The following PPP1R1C variants were observed in gnomAD, a reference collection of about 807,000 sequenced individuals.
PPP1R1C encodes protein phosphatase 1 regulatory subunit 1C.
Under a neutral mutation model 17.4 loss-of-function variants are expected in PPP1R1C, and 15 were observed. The observed-to-expected ratio is 0.86, with a 90% CI of 0.58 to 1.33. The LOEUF is 1.33. Ranked by LOEUF, PPP1R1C falls within the 40% of genes most tolerant of loss-of-function variation. The pLI is 0.00. For missense variants in PPP1R1C, 143 were observed against 130.0 expected (o/e 1.10, Z -0.48); for synonymous variants, 35 against 43.1 (o/e 0.81, Z 0.73).
chr2:182,103,310 TTC>T (rs1443995339), intron 4 of PPP1R1C, among the ~76,000 whole-genome samples: 1 of 152,252 alleles, frequency 6.6e-6, no homozygotes, highest in African/African-American at 2.4e-5. Flanking sequence ...TTAATATTTT[TTC>T]TCTTTCATGT....
At chr2:181,958,844 A>C (rs1478856450) in intron 1 of PPP1R1C, among the ~76,000 whole-genome samples, 1 of 152,238 alleles carries the variant, frequency 6.6e-6, no homozygotes, top group Non-Finnish European at 1.5e-5. Context: ...ATTCAATTAT[A>C]TAACTGTTTC....
chr2:181,975,724 G>A (rs899661487), intron 2 of PPP1R1C, among the ~76,000 whole-genome samples: 8 of 151,672 alleles, frequency 5.3e-5, no homozygotes, highest in African/African-American at 1.9e-4. Flanking sequence ...CGTTTCCATT[G>A]TATTACATAT....
chr2:181,965,214 T>G (rs1041975591), intron 1 of PPP1R1C, among the ~76,000 whole-genome samples: 2 of 152,218 alleles, frequency 1.3e-5, no homozygotes, highest in Non-Finnish European at 2.9e-5. Flanking sequence ...GTCATAAGAA[T>G]AGTTTGCAAA....
At chr2:182,124,921 C>G (rs1277305650) in intron 5 of PPP1R1C, among the ~76,000 whole-genome samples, 3 of 152,068 alleles carry the variant, frequency 2.0e-5, no homozygotes, top group African/African-American at 7.2e-5. Context: ...CCAGATCTTC[C>G]AATACTATGT....
At chr2:182,035,212 C>G (rs1686967638) in intron 2 of PPP1R1C, among the ~76,000 whole-genome samples, 1 of 152,154 alleles carries the variant, frequency 6.6e-6, no homozygotes, top group East Asian at 1.9e-4. Context: ...GTGCCGAATT[C>G]ACAGTGAAAG....
At chr2:182,070,395 T>C (rs1688107276) in intron 4 of PPP1R1C, among the ~76,000 whole-genome samples, 1 of 152,246 alleles carries the variant, frequency 6.6e-6, no homozygotes, top group African/African-American at 2.4e-5. Context: ...GTAGATAATA[T>C]CACTTTCCAA....
chr2:182,073,020 C>A (rs1417657231), intron 4 of PPP1R1C, among the ~76,000 whole-genome samples: 2 of 152,218 alleles, frequency 1.3e-5, no homozygotes, highest in East Asian at 3.8e-4. Flanking sequence ...CCGGCCACAG[C>A]CTTCTTTTTT....
rs558459759 is a variant in PPP1R1C at position 182,020,242 on chromosome 2, G to A, written c.142+32343G>A. Among the ~76,000 whole-genome samples, 3 of 152,154 alleles carry A rather than the reference G, an allele frequency of 2.0e-5. No homozygotes were observed. The South Asian group carries it at 6.2e-4, about 32-fold the overall frequency. On this transcript the variant is annotated intron_variant, in intron 2 of 4. Transcript: ENST00000682840. ...GTGATTCCTGATAAGTAAGATCTGA[G>A]GTAAACAGATTATATGTTTTAATTC... is the stretch of plus-strand genomic sequence containing the variant.
chr2:182,094,304 A>G (rs1476649716), intron 4 of PPP1R1C, among the ~76,000 whole-genome samples: 2 of 152,138 alleles, frequency 1.3e-5, no homozygotes, highest in African/African-American at 2.4e-5. Flanking sequence ...ACCATCTCCT[A>G]CCAGGTCCCT....
In PPP1R1C at chr2:181,962,241, T is replaced by C; in HGVS notation, n.111+7607T>C. The stretch of plus-strand genomic sequence containing the variant: ...TTCAGGCTTTGCATTGTCTCCTTCT[T>C]ATTCTGGATGCCTCCCATTCCTGCC... On this transcript the variant is annotated intron_variant and non_coding_transcript_variant, in intron 1 of 5. Transcript: ENST00000464264. The surrounding 1 kb of genome is among the most constrained non-coding windows in gnomAD (Gnocchi z 6.0). 1 of 730,786 alleles carries C rather than the reference T, an allele frequency of 1.4e-6. No homozygotes were observed. The allele number at this position is 730,786 out of a possible 1,614,324, so 45.3% of individuals were successfully genotyped here. A position where few individuals can be genotyped will look rare whatever the true frequency, so the allele number is the denominator to read the frequency against.
intron 4 of PPP1R1C, among the ~76,000 whole-genome samples, chr2:182,067,773 T>G (rs532823324): frequency 7.2e-5 from 11 of 152,242 alleles, no homozygotes; most frequent in African/African-American, 2.6e-4. Context: ...AAGCCACATA[T>G]GCATCCGCAG....
chr2:182,086,570 G>A (rs1339298506), intron 4 of PPP1R1C, among the ~76,000 whole-genome samples: 1 of 152,076 alleles, frequency 6.6e-6, no homozygotes, highest in African/African-American at 2.4e-5. Context: ...AGTGAAAAAA[G>A]CTGGATTCAT....
rs958204710 is a variant in PPP1R1C at position 182,007,260 on chromosome 2, A to G, written c.142+19361A>G. Among the ~76,000 whole-genome samples, 8 of 152,344 alleles carry G rather than the reference A, an allele frequency of 5.3e-5. No homozygotes were observed. In the South Asian group the frequency reaches 1.0e-3, roughly 20 times the overall value. The stretch of plus-strand genomic sequence containing the variant: ...TACACACAGGTCTATCTACGTATAC[A>G]CTAACATACCACATAACTGATTTCT... On this transcript the variant is annotated intron_variant, in intron 2 of 4. Coordinates refer to ENST00000682840, the MANE Select transcript of PPP1R1C (RefSeq NM_001080545.3).
chr2:182,047,258 A>G (rs1297219839), intron 2 of PPP1R1C, among the ~76,000 whole-genome samples: 3 of 152,180 alleles, frequency 2.0e-5, no homozygotes, highest in African/African-American at 7.2e-5. Flanking sequence ...TTAGTGTTTT[A>G]AAATGACTAA....
At chr2:181,956,466 G>A (rs896912905) in intron 1 of PPP1R1C, among the ~76,000 whole-genome samples, 5 of 152,124 alleles carry the variant, frequency 3.3e-5, no homozygotes, top group East Asian at 3.8e-4. Flanking sequence ...TTGAGGAATC[G>A]CCACACTGTC....
intron 2 of PPP1R1C, among the ~76,000 whole-genome samples, chr2:182,029,365 C>T (rs1308194045): frequency 6.6e-6 from 1 of 152,084 alleles, no homozygotes; most frequent in African/African-American, 2.4e-5. Context: ...TGTTCCTTTC[C>T]ATGTTTAGCA....
chr2:182,008,632 G>A (rs1374125261), intron 2 of PPP1R1C, among the ~76,000 whole-genome samples: 2 of 152,132 alleles, frequency 1.3e-5, no homozygotes, highest in East Asian at 3.9e-4. Flanking sequence ...GGGTTAGTAA[G>A]GTATCCATCA....
rs963059612 is a variant in PPP1R1C at position 181,976,613 on chromosome 2, T to C, written n.157+1349T>C. ...TTATCTATATATCTGTATATCTATA[T>C]CTATATCTATATCTGTATCTATCTA... On this transcript the variant is annotated intron_variant and non_coding_transcript_variant, in intron 2 of 5. Coordinates refer to the PPP1R1C transcript ENST00000464264. This position sits in a 1 kb window ranked among gnomAD's most constrained non-coding sequence, Gnocchi z 4.8. Among the ~76,000 whole-genome samples, 1 of 152,188 alleles carries C rather than the reference T, an allele frequency of 6.6e-6. No individual in the cohort carries two copies. The highest frequency in any genetic ancestry group is 1.5e-5 in the Non-Finnish European group (1 of 68,030).
intron 2 of PPP1R1C, among the ~76,000 whole-genome samples, chr2:181,979,832 A>C (rs537857424): frequency 2.0e-5 from 3 of 152,342 alleles, no homozygotes; most frequent in African/African-American, 7.2e-5. Context: ...CCAGCTTTGC[A>C]AGACTTTCTA....
Sources: allele counts gnomAD v4.1 joint callset (sites outside exome capture counted in the v4.1 genomes callset), GRCh38; gene constraint gnomAD v4.1.1; non-coding constraint Gnocchi (gnomAD v3.1); transcripts MANE v1.5; gene names NCBI Gene and HGNC (gene_info 2026-07-23, HGNC 2026-07-21).